Variants in EYS observed in about 807,000 individuals in gnomAD.
EYS encodes protein eyes shut homolog.
In EYS, 250 loss-of-function variants were observed where a neutral mutation model predicts 282.1. The observed-to-expected ratio is 0.89, with a 90% CI of 0.80 to 0.98. EYS has a LOEUF of 0.98. Ranked by LOEUF, EYS falls within the 50% of genes least tolerant of loss-of-function variation. EYS has a pLI of 0.00. For missense variants in EYS, 4,016 were observed against 3,709.0 expected (o/e 1.08, Z -2.15); for synonymous variants, 1,355 against 1,282.9 (o/e 1.06, Z -1.20).
At chr6:65,134,237 A>G (rs1775959386) in intron 12 of EYS, among the ~76,000 whole-genome samples, 1 of 152,150 alleles carries the variant, frequency 6.6e-6, no homozygotes. Context: ...CAGAATTATC[A>G]TTTGACCCAG....
chr6:65,432,415 T>C (rs1304696814), intron 5 of EYS, among the ~76,000 whole-genome samples: 2 of 152,128 alleles, frequency 1.3e-5, no homozygotes, highest in African/African-American at 2.4e-5. Flanking sequence ...TAATAACCAT[T>C]ATAATTTATA....
intron 1 of EYS, among the ~76,000 whole-genome samples, chr6:65,676,272 A>T (rs570729161): frequency 6.6e-6 from 1 of 151,842 alleles, no homozygotes; most frequent in Non-Finnish European, 1.5e-5. Flanking sequence ...AATTTTAAAA[A>T]TCAACAAAAA....
At chr6:65,431,366 A>C (rs1487968304) in intron 5 of EYS, among the ~76,000 whole-genome samples, 1 of 151,950 alleles carries the variant, frequency 6.6e-6, no homozygotes, top group Non-Finnish European at 1.5e-5. Flanking sequence ...CTTTCACTTT[A>C]ATTGCTGGTA....
chr6:65,237,223 A>G (rs1766950433), intron 12 of EYS, among the ~76,000 whole-genome samples: 3 of 152,176 alleles, frequency 2.0e-5, no homozygotes, highest in South Asian at 2.1e-4. Flanking sequence ...TTTGCTCACT[A>G]TAACTGTTTT....
intron 19 of EYS, among the ~76,000 whole-genome samples, chr6:64,862,666 G>T (rs1488958172): frequency 2.0e-5 from 3 of 151,752 alleles, no homozygotes; most frequent in Non-Finnish European, 4.4e-5. Flanking sequence ...AATGGCTGAG[G>T]TTTTTAAAAA....
intron 5 of EYS, among the ~76,000 whole-genome samples, chr6:65,445,236 C>T (rs1355933836): frequency 6.6e-6 from 1 of 151,820 alleles, no homozygotes; most frequent in Non-Finnish European, 1.5e-5. Context: ...TTTCTTATAA[C>T]TTTTTGTACT....
intron 12 of EYS, among the ~76,000 whole-genome samples, chr6:65,193,206 C>T (rs1165681795): frequency 6.6e-6 from 1 of 151,780 alleles, no homozygotes; most frequent in Non-Finnish European, 1.5e-5. Flanking sequence ...TATTTTTATT[C>T]TATTTTGCAG....
chr6:65,607,302 C>G (rs1765831605), intron 2 of EYS, among the ~76,000 whole-genome samples: 1 of 151,714 alleles, frequency 6.6e-6, no homozygotes. Flanking sequence ...TTATTTTCCT[C>G]TGTATTCACT....
intron 31 of EYS, 71 bp from the exon 32 acceptor site, chr6:64,082,073 A>G (rs933600296): frequency 1.5e-5 from 16 of 1,041,194 alleles, no homozygotes; most frequent in Non-Finnish European, 2.1e-5. Context: ...AAAACTTAGC[A>G]TTTATAGTTA....
At chr6:65,443,408 A>G (rs1030718766) in intron 5 of EYS, among the ~76,000 whole-genome samples, 20 of 149,598 alleles carry the variant, frequency 1.3e-4, no homozygotes, top group African/African-American at 4.4e-4. Context: ...GTATGTACAC[A>G]TATAGCCATA....
At chr6:64,854,588 GT>G (rs2150044143) in intron 19 of EYS, among the ~76,000 whole-genome samples, 1 of 109,490 alleles carries the variant, frequency 9.1e-6, no homozygotes, top group East Asian at 3.0e-4. Context: ...ACGGGGGCCT[GT>G]TGTGGGGTGG....
At chr6:64,291,982 C>T (rs924562561) in intron 30 of EYS, among the ~76,000 whole-genome samples, 1 of 151,990 alleles carries the variant, frequency 6.6e-6, no homozygotes, top group African/African-American at 2.4e-5. Context: ...ATCATTTATT[C>T]CTTATATCAG....
chr6:64,635,705 G>A (rs1284491737), intron 22 of EYS, among the ~76,000 whole-genome samples: 2 of 152,194 alleles, frequency 1.3e-5, no homozygotes, highest in Non-Finnish European at 2.9e-5. Context: ...GTGTTTTGAT[G>A]TGCTGCTGGA....
rs772523606 is a variant in EYS at position 63,731,766 on chromosome 6, AAT to A, written c.8072-5088_8072-5087del. On this transcript the variant is annotated intron_variant, in intron 41 of 42. Coordinates refer to ENST00000503581, the MANE Select transcript of EYS (RefSeq NM_001142800.2). ...AGATAGCTAATATTTTTCAAAAATTAATAGTTTGTCCTCTTTGTTTGTATTTG... is the reference window on the plus strand; with the variant it reads ...AGATAGCTAATATTTTTCAAAAATTAAGTTTGTCCTCTTTGTTTGTATTTG... Among the ~76,000 whole-genome samples the A allele has an allele frequency of 5.3e-5, 8 of 152,314 alleles. No homozygotes were observed. The South Asian group carries it at 1.7e-3, about 32-fold the overall frequency.
At chr6:65,568,557 A>G (rs1764366114) in intron 2 of EYS, among the ~76,000 whole-genome samples, 1 of 152,190 alleles carries the variant, frequency 6.6e-6, no homozygotes, top group African/African-American at 2.4e-5. Flanking sequence ...GTTTTACATA[A>G]GTGAAAATTA....
At chr6:65,362,482 T>C (rs894088556) in intron 8 of EYS, among the ~76,000 whole-genome samples, 21 of 151,962 alleles carry the variant, frequency 1.4e-4, no homozygotes, top group African/African-American at 4.3e-4. Context: ...TGTGTATATA[T>C]ATGTGTGTGC....
chr6:64,175,854 C>T (rs1339095955), intron 31 of EYS, among the ~76,000 whole-genome samples: 1 of 151,710 alleles, frequency 6.6e-6, no homozygotes, highest in African/African-American at 2.4e-5. Flanking sequence ...GGGTATATAT[C>T]AGGAACAAAA....
intron 15 of EYS, among the ~76,000 whole-genome samples, chr6:64,924,451 T>A (rs769624209): frequency 1.7e-4 from 26 of 152,204 alleles, no homozygotes; most frequent in Non-Finnish European, 3.1e-4. Flanking sequence ...TTCCCCATGG[T>A]CTTCGGCATT....
chr6:64,885,268 C>T (rs1767052975), intron 19 of EYS, among the ~76,000 whole-genome samples: 1 of 151,604 alleles, frequency 6.6e-6, no homozygotes, highest in Non-Finnish European at 1.5e-5. Flanking sequence ...CCACTGGTAA[C>T]ATCTTAGATA....
Sources: allele counts gnomAD v4.1 joint callset (sites outside exome capture counted in the v4.1 genomes callset), GRCh38; gene constraint gnomAD v4.1.1; transcripts MANE v1.5; gene names NCBI Gene and HGNC (gene_info 2026-07-23, HGNC 2026-07-21).